RRBP1: variants seen among roughly 807,000 people sequenced by gnomAD.
RRBP1 encodes the protein ribosome binding protein 1.
Under a neutral mutation model 165.2 loss-of-function variants are expected in RRBP1, and 94 were observed. The ratio of observed to expected loss-of-function variants is 0.57; its 90% CI spans 0.48 to 0.68. RRBP1 has a LOEUF of 0.68. Among genes scored for constraint, RRBP1 ranks in the 30% least tolerant of loss-of-function variants. RRBP1 has a pLI of 0.00. For synonymous variants in RRBP1, 680 were observed against 714.5 expected (o/e 0.95, Z 0.77); for missense variants, 1,676 against 1,763.0 (o/e 0.95, Z 0.88).
At chr20:17,650,450 C>A (rs2036534791) in intron 3 of RRBP1, among the ~76,000 whole-genome samples, 1 of 152,204 alleles carries the variant, frequency 6.6e-6, no homozygotes, top group African/African-American at 2.4e-5. Flanking sequence ...AGCAGGCCCA[C>A]AGCCAAGACA....
In RRBP1 at chr20:17,668,745, C is replaced by A. The variant is rs1352671888; in HGVS notation, c.-21-8217G>T. Among the ~76,000 whole-genome samples the A allele has an allele frequency of 2.6e-5, 4 of 152,218 alleles. No individual in the cohort carries two copies. In the East Asian group the frequency reaches 7.7e-4, roughly 29 times the overall value. On this transcript the variant is annotated intron_variant, in intron 2 of 24. Coordinates refer to ENST00000377813, the MANE Select transcript of RRBP1 (RefSeq NM_001365613.2). ...CTCAGTTCCCATTCCCAGTCTCAGACAAAATCCCATTCCCCCTGGACATTA... is the reference window on the plus strand; with the variant it reads ...CTCAGTTCCCATTCCCAGTCTCAGAAAAAATCCCATTCCCCCTGGACATTA...
rs544639732 is a variant in RRBP1, at chr20:17,648,169, C to A, written c.1913-5042G>T. Among the ~76,000 whole-genome samples the A allele has an allele frequency of 6.6e-5, 10 of 152,302 alleles. No individual in the cohort carries two copies. The South Asian group carries it at 2.1e-3, about 32-fold the overall frequency. On this transcript the variant is annotated intron_variant, in intron 3 of 24. Transcript: ENST00000377813. ...TTCAGGGTCCCACCCCGAGGTGGGA[C>A]GCAAGACGCTCTCTAGGGAGGAGCT...
chr20:17,652,804 T>C (rs1329050061), intron 3 of RRBP1, among the ~76,000 whole-genome samples: 2 of 152,196 alleles, frequency 1.3e-5, no homozygotes, highest in African/African-American at 4.8e-5. Context: ...ACGTGTCTCA[T>C]CCGGGCTTGC....
intron 19 of RRBP1, chr20:17,619,313 C>A: frequency 3.4e-6 from 1 of 291,538 alleles, no homozygotes. Context: ...CACTCCCCAC[C>A]AGATATGACA....
intron 8 of RRBP1, among the ~76,000 whole-genome samples, chr20:17,632,140 A>C (rs2036162473): frequency 6.6e-6 from 1 of 152,192 alleles, no homozygotes; most frequent in Non-Finnish European, 1.5e-5. Context: ...CCTGAACCCG[A>C]CAGCTGGCGC....
At position 17,660,025 on chromosome 20, in the gene RRBP1, C is replaced by T; in HGVS notation, c.483G>A (p.Gln161=). The change falls in exon 3 of 25, where the codon CAG becomes CAA. Residue 161 remains glutamine (Q), a synonymous_variant. Coordinates refer to ENST00000377813, the MANE Select transcript of RRBP1 (RefSeq NM_001365613.2). The part of the protein sequence containing the change: ...PAVSSVVNSI[Q]VLTSKAAILE... ...AGATGGCAGCCTTCGAAGTGAGAAC[C>T]TGGATGGAATTCACTACAGAGCTGA... is the stretch of plus-strand genomic sequence containing the variant. The T allele has an allele frequency of 6.2e-7, 1 of 1,613,282 alleles. No homozygotes were observed.
rs994858670 is a variant in RRBP1 at position 17,613,910 on chromosome 20, G to C, written c.*272C>G. Reference sequence around the variant, plus strand: ...CGGCCTCCCACACACCCACGGGGCTGTCAGAGTCAACCAGGGCTTTGGCGT... The same window carrying C: ...CGGCCTCCCACACACCCACGGGGCTCTCAGAGTCAACCAGGGCTTTGGCGT... On this transcript the variant is annotated 3_prime_UTR_variant, in exon 25 of 25. Coordinates refer to ENST00000377813, the MANE Select transcript of RRBP1 (RefSeq NM_001365613.2). 3.6e-5 allele frequency: 16 copies of C among 443,942 alleles called. No homozygotes were observed. The highest frequency in any genetic ancestry group is 1.5e-4 in the Admixed American group (4 of 27,322). 27.5% of individuals were successfully genotyped at this position (443,942 alleles called of 1,614,324 possible).
Position 17,629,981 on chromosome 20 carries a change from TG to T in RRBP1, c.2611-21del. The T allele has an allele frequency of 6.3e-7, 1 of 1,587,054 alleles. No homozygotes were observed. The highest frequency in any genetic ancestry group is 8.5e-7 in the Non-Finnish European group (1 of 1,171,052). Reference sequence around the variant, plus strand: ...GGACGCCTGGGGACGGGCAGGGGAGTGGGGCAGTGAAGACGTGGAAGGACCA... The same window carrying T: ...GGACGCCTGGGGACGGGCAGGGGAGTGGGCAGTGAAGACGTGGAAGGACCA... On this transcript the variant is annotated intron_variant, in intron 8 of 24. Transcript: ENST00000377813.
At position 17,627,648 on chromosome 20, in the gene RRBP1, C is replaced by G. The variant is rs754202983; in HGVS notation, c.2784G>C (p.Glu928Asp). Residue 928 changes from glutamate to aspartate, a missense_variant, in exon 10 of 25, where the codon GAG becomes GAC. Glu to Asp is a conservative substitution (Grantham distance 45). Around this residue, in one of 5 missense-constraint regions of RRBP1, gnomAD observed 1,184 missense variants for 1,167.1 expected, o/e 1.01. Transcript: ENST00000377813. Reference sequence around the variant, plus strand: ...TCAGCTCCTCGCATTTGCTGCGCACCTCCGCCTCGGAGGACTGTAACTTGC... The same window carrying G: ...TCAGCTCCTCGCATTTGCTGCGCACGTCCGCCTCGGAGGACTGTAACTTGC... The part of the protein sequence containing the change: ...LHSKLQSSEA[E>D]VRSKCEELSG... 8.1e-6 allele frequency: 13 copies of G among 1,610,928 alleles called. No homozygotes were observed. In the Admixed American group the frequency reaches 2.0e-4, roughly 25 times the overall value.
intron 3 of RRBP1, among the ~76,000 whole-genome samples, chr20:17,658,198 G>A (rs2036680434): frequency 6.6e-6 from 1 of 152,142 alleles, no homozygotes; most frequent in Non-Finnish European, 1.5e-5. Context: ...CCTTGACTCA[G>A]GCTCAGACAC....
rs77419972 is a variant in RRBP1, at chr20:17,665,631, A to T, written c.-21-5103T>A. 3.0e-4 allele frequency among the ~76,000 whole-genome samples: 45 copies of T among 152,306 alleles called. No homozygotes were observed. In the East Asian group the frequency reaches 7.9e-3, roughly 27 times the overall value. ...TCCTATATTACATAGTTGAACCACA[A>T]ATTATTAGCCATACTCCTATGCTTT... is the stretch of plus-strand genomic sequence containing the variant. On this transcript the variant is annotated intron_variant, in intron 2 of 24. Transcript: ENST00000377813.
chr20:17,635,705 TCA>T, intron 6 of RRBP1, 41 bp from the exon 7 acceptor site: 1 of 1,485,390 alleles, frequency 6.7e-7, no homozygotes, highest in Non-Finnish European at 9.4e-7. Context: ...CAGCTCGGCC[TCA>T]CACACAGAAC....
Position 17,636,639 on chromosome 20 carries a change from G to C in RRBP1, c.2275C>G (p.Gln759Glu), listed in dbSNP as rs764825844. Residue 759 changes from glutamine to glutamate, a missense_variant, in exon 6 of 25, where the codon CAG (glutamine) becomes GAG (glutamate). This residue lies in a region of RRBP1 where 1,184 missense variants were observed against 1,167.1 expected (regional missense o/e 1.01). Coordinates refer to ENST00000377813, the MANE Select transcript of RRBP1 (RefSeq NM_001365613.2). Reference protein sequence around the residue: ...VAREQEITAVQARMQASYREH... With the variant: ...VAREQEITAVEARMQASYREH... ...CGGTAGCTGGCCTGCATGCGTGCCT[G>C]CACAGCCGTGATCTCCTGCTCCCGG... is the stretch of plus-strand genomic sequence containing the variant. The C allele has an allele frequency of 3.1e-6, 5 of 1,612,990 alleles. No homozygotes were observed. Among genetic ancestry groups the C allele is most frequent in the Non-Finnish European group, 4.2e-6 (5 of 1,180,026 alleles).
chr20:17,626,378 A>C (rs986466599), intron 11 of RRBP1, among the ~76,000 whole-genome samples: 1 of 152,252 alleles, frequency 6.6e-6, no homozygotes, highest in Admixed American at 6.5e-5. Flanking sequence ...AAGGTGGACA[A>C]GGTTTGGTTG....
rs771412045 is a variant in RRBP1, at chr20:17,658,900, T to C, written c.1608A>G (p.Gln536=). ...TGGGAGCTCCCTCTCCTTTTTTGCC[T>C]TGGTTGGGACTCCTTTCTGCCTTTT... ...QGKKAERSPN[Q]GKKGEGAPIQ... Residue 536 remains glutamine (Q), a synonymous_variant, in exon 3 of 25, where the codon CAA becomes CAG. Transcript: ENST00000377813. The C allele has an allele frequency of 6.2e-7, 1 of 1,613,386 alleles. No homozygotes were observed. Among genetic ancestry groups the C allele is most frequent in the East Asian group, 2.2e-5 (1 of 44,886 alleles).
intron 2 of RRBP1, among the ~76,000 whole-genome samples, chr20:17,673,453 G>T (rs974840490): frequency 6.6e-6 from 1 of 152,156 alleles, no homozygotes; most frequent in African/African-American, 2.4e-5. Flanking sequence ...TTGTCGCCCA[G>T]GCTGGAGTGC....
At chr20:17,629,381 T>C (rs1381800454) in intron 9 of RRBP1, among the ~76,000 whole-genome samples, 1 of 152,326 alleles carries the variant, frequency 6.6e-6, no homozygotes, top group East Asian at 1.9e-4. Flanking sequence ...CTGCCTGGCC[T>C]TCTGGGCTGA....
intron 5 of RRBP1, 80 bp from the exon 6 acceptor site, chr20:17,636,809 C>A (rs1459644673): frequency 4.5e-6 from 7 of 1,559,076 alleles, no homozygotes; most frequent in Non-Finnish European, 6.1e-6. Context: ...GAGCATCACC[C>A]GAGCTGGGAG....
rs202018569 is a variant in RRBP1 at position 17,614,237 on chromosome 20, G to C, written c.4195-17C>G. On this transcript the variant is annotated splice_polypyrimidine_tract_variant and intron_variant, in intron 24 of 24. Coordinates refer to ENST00000377813, the MANE Select transcript of RRBP1 (RefSeq NM_001365613.2). Reference sequence around the variant, plus strand: ...GCCGTCCTCCTGTGAACGAAGGCAGGTGGCGTGAGGGGGGCTGGGCCACGA... The same window carrying C: ...GCCGTCCTCCTGTGAACGAAGGCAGCTGGCGTGAGGGGGGCTGGGCCACGA... 4.8e-5 allele frequency: 78 copies of C among 1,612,306 alleles called. 1 individual carries two copies. The African/African-American group carries it at 8.4e-4, about 17-fold the overall frequency.
Sources: gnomAD v4.1 joint callset for allele counts (sites outside exome capture counted in the v4.1 genomes callset) on GRCh38, gnomAD v4.1.1 for gene constraint, gnomAD v4.1.1 regional missense constraint, MANE v1.5 for transcripts, NCBI Gene and HGNC (gene_info 2026-07-23, HGNC 2026-07-21) for gene names.